Variants in HAUS6 observed in about 807,000 individuals in gnomAD.
HAUS6 encodes HAUS augmin like complex subunit 6.
A neutral mutation model predicts 106.8 loss-of-function variants in HAUS6; 80 were observed. The ratio of observed to expected loss-of-function variants is 0.75; its 90% CI spans 0.63 to 0.90. The LOEUF is 0.90. HAUS6 is among the 40% of genes least tolerant of loss of function. The pLI, the probability that HAUS6 is intolerant of heterozygous loss-of-function variation, is 0.00. For missense variants in HAUS6, 1,155 were observed against 1,118.1 expected (o/e 1.03, Z -0.47); for synonymous variants, 356 against 379.1 (o/e 0.94, Z 0.71).
At chr9:19,067,207 T>C (rs987654297) in intron 12 of HAUS6, among the ~76,000 whole-genome samples, 1 of 152,234 alleles carries the variant, frequency 6.6e-6, no homozygotes, top group South Asian at 2.1e-4. Context: ...TAAAAGATGA[T>C]GTATTGCAGA....
At chr9:19,080,405 T>G in intron 9 of HAUS6, 74 bp downstream of exon 9, 1 of 904,932 alleles carries the variant, frequency 1.1e-6, no homozygotes, top group Non-Finnish European at 1.8e-6. Context: ...GAAGAGCTAT[T>G]AAACTTATAC....
chr9:19,101,072 ATAGC>A (rs1817977148), intron 1 of HAUS6, among the ~76,000 whole-genome samples: 1 of 152,250 alleles, frequency 6.6e-6, no homozygotes, highest in African/African-American at 2.4e-5. Context: ...GTATTTTAAA[ATAGC>A]TAGAAAAGAA....
At chr9:19,094,773 C>G (rs995289445) in intron 2 of HAUS6, among the ~76,000 whole-genome samples, 7 of 151,776 alleles carry the variant, frequency 4.6e-5, no homozygotes, top group Non-Finnish European at 1.0e-4. Flanking sequence ...CCTGGGTGAC[C>G]CTGTCTCAAA....
intron 14 of HAUS6, among the ~76,000 whole-genome samples, chr9:19,061,622 G>A (rs1836621693): frequency 6.6e-6 from 1 of 152,046 alleles, no homozygotes; most frequent in Admixed American, 6.6e-5. Flanking sequence ...ATCACTTCAG[G>A]CTACGGGTTC....
At chr9:19,089,244 C>G (rs1817694066) in intron 5 of HAUS6, among the ~76,000 whole-genome samples, 168 bp downstream of exon 5, 1 of 151,340 alleles carries the variant, frequency 6.6e-6, no homozygotes, top group South Asian at 2.1e-4. Context: ...GAACCAGACC[C>G]TGTCTCAGAT....
At chr9:19,074,779 T>C (rs1836958030) in intron 11 of HAUS6, among the ~76,000 whole-genome samples, 1 of 152,180 alleles carries the variant, frequency 6.6e-6, no homozygotes, top group South Asian at 2.1e-4. Context: ...CTGCTCCAGT[T>C]TGGCTATAAA....
At chr9:19,059,808 T>A (rs1225951306) in intron 15 of HAUS6, among the ~76,000 whole-genome samples, 6 of 152,076 alleles carry the variant, frequency 3.9e-5, no homozygotes, top group African/African-American at 4.8e-5. Context: ...TTTTTTTTTT[T>A]AAATGCTCAA....
In HAUS6 at chr9:19,076,578, G is replaced by GAA. The variant is rs768050879; in HGVS notation, c.1294+22_1294+23dup. ...AATGACAGGAAGGAGGTTTCAAAGA[G>GAA]AAAAAAATAAATAAATAACCAACCT... On this transcript the variant is annotated intron_variant, in intron 11 of 16. Transcript: ENST00000380502. The GAA allele has an allele frequency of 1.1e-5, 12 of 1,072,374 alleles. No homozygotes were observed. In the East Asian group the frequency reaches 2.8e-4, roughly 25 times the overall value. The allele number at this position is 1,072,374 out of a possible 1,614,324, so 66.4% of individuals were successfully genotyped here.
rs1009863323 is a variant in HAUS6 at position 19,072,089 on chromosome 9, T to C, written c.1295-1789A>G. 2.2e-4 allele frequency among the ~76,000 whole-genome samples: 34 copies of C among 151,378 alleles called. 1 individual carries two copies. Among genetic ancestry groups the C allele is most frequent in the Non-Finnish European group, 3.7e-4 (25 of 67,862 alleles). On this transcript the variant is annotated intron_variant, in intron 11 of 16. Transcript: ENST00000380502. ...CCTGTAATCCCAGCTACTTGGAAGC[T>C]TGAACTAGGGGAAGCGCTTGAACCC... is the stretch of plus-strand genomic sequence containing the variant.
intron 1 of HAUS6, among the ~76,000 whole-genome samples, chr9:19,100,142 C>A (rs1477030069): frequency 1.3e-5 from 2 of 152,186 alleles, no homozygotes; most frequent in African/African-American, 4.8e-5. Context: ...TGCAGTGAGT[C>A]CAGATCGCAC....
rs772448053 is a variant in HAUS6, at chr9:19,086,779, CAT to C, written c.652_653del (p.Met218GlyfsTer4). 1.3e-5 allele frequency: 15 copies of C among 1,162,634 alleles called. No homozygotes were observed. Among genetic ancestry groups the C allele is most frequent in the Non-Finnish European group, 1.8e-5 (14 of 790,290 alleles). The allele number at this position is 1,162,634 out of a possible 1,614,324, so 72.0% of individuals were successfully genotyped here. On this transcript the variant is annotated frameshift_variant and splice_region_variant, in exon 7 of 17. Coordinates refer to ENST00000380502, the MANE Select transcript of HAUS6 (RefSeq NM_017645.5). LOFTEE classifies it high-confidence loss of function. ...CIGLENQIKK[M>X]EPYDDHSNME... ...TATTACTGTGGTCATCATAGGGTTC[CAT>C]TCTAATAAAAATTAAATAATCTAAT...
intron 1 of HAUS6, among the ~76,000 whole-genome samples, chr9:19,098,730 A>T (rs1402119435): frequency 2.0e-4 from 1 of 5,100 alleles, no homozygotes; most frequent in Non-Finnish European, 5.7e-4. Context: ...TTTAACATTT[A>T]AAAAAAGTGG....
intron 8 of HAUS6, among the ~76,000 whole-genome samples, chr9:19,081,626 G>C (rs987183168): frequency 6.6e-6 from 1 of 151,970 alleles, no homozygotes; most frequent in East Asian, 1.9e-4. Flanking sequence ...TTTTAGTAGA[G>C]ACAGGGTTTC....
intron 12 of HAUS6, among the ~76,000 whole-genome samples, chr9:19,070,014 G>A (rs1836853739): frequency 6.6e-6 from 1 of 152,050 alleles, no homozygotes; most frequent in Non-Finnish European, 1.5e-5. Flanking sequence ...TCCCACCTCA[G>A]CCTCCCAAAG....
At chr9:19,080,174 C>CAAA (rs746423003) in intron 9 of HAUS6, among the ~76,000 whole-genome samples, 1,352 of 37,374 alleles carry the variant, frequency 0.036, 101 homozygotes, top group Non-Finnish European at 0.043. Flanking sequence ...AACTCCGTCT[C>CAAA]AAAAAAAAAA....
At chr9:19,081,721 G>A (rs1462004659) in intron 8 of HAUS6, among the ~76,000 whole-genome samples, 1 of 152,096 alleles carries the variant, frequency 6.6e-6, no homozygotes, top group African/African-American at 2.4e-5. Flanking sequence ...TTATAGGTGT[G>A]AGCCACCATA....
intron 5 of HAUS6, 79 bp from the exon 6 acceptor site, chr9:19,087,235 G>C (rs1837320064): frequency 2.4e-6 from 2 of 837,714 alleles, no homozygotes; most frequent in Admixed American, 1.8e-5. Context: ...TTTTCCCTTT[G>C]CATATCCTTG....
chr9:19,086,620 CAAAAAA>C, intron 7 of HAUS6, 108 bp downstream of exon 7: 11 of 369,956 alleles, frequency 3.0e-5, no homozygotes, highest in South Asian at 8.6e-5. Context: ...ACTCCAACTC[CAAAAAA>C]AAAAAAAAAA....
intron 2 of HAUS6, 25 bp from the exon 3 acceptor site, chr9:19,094,420 A>T (rs1316462558): frequency 7.4e-7 from 1 of 1,358,342 alleles, no homozygotes; most frequent in Non-Finnish European, 1.0e-6. Context: ...TAAAAGCGTA[A>T]GGACTATGCA....
Sources: allele counts gnomAD v4.1 joint callset (sites outside exome capture counted in the v4.1 genomes callset), GRCh38; gene constraint gnomAD v4.1.1; transcripts MANE v1.5; gene names NCBI Gene and HGNC (gene_info 2026-07-23, HGNC 2026-07-21).